Variants in EPHA3 observed in about 807,000 individuals in gnomAD.
The protein encoded by EPHA3 is ephrin type-A receptor 3.
In EPHA3, 42 loss-of-function variants were observed where a neutral mutation model predicts 107.1. That is an observed-to-expected ratio of 0.39 (90% CI 0.31 to 0.51). The LOEUF (loss-of-function observed/expected upper bound fraction) is 0.51. EPHA3 is among the 20% of genes least tolerant of loss of function. The probability of loss-of-function intolerance (pLI) is 0.78; values close to 1 mark genes in which losing one functional copy is unlikely to be tolerated. For missense variants in EPHA3, 1,183 were observed against 1,211.2 expected (o/e 0.98, Z 0.35); for synonymous variants, 461 against 424.8 (o/e 1.09, Z -1.05).
chr3:89,416,579 T>C (rs1709252530), intron 10 of EPHA3, among the ~76,000 whole-genome samples: 1 of 151,452 alleles, frequency 6.6e-6, no homozygotes, highest in Non-Finnish European at 1.5e-5. Context: ...GTAATAACCA[T>C]AATTGCTATC....
chr3:89,207,167 T>A (rs751313701), intron 2 of EPHA3, among the ~76,000 whole-genome samples: 27 of 152,172 alleles, frequency 1.8e-4, no homozygotes, highest in Non-Finnish European at 3.2e-4. Context: ...TATAAAAAAA[T>A]TTCCCCTAAT....
At chr3:89,180,288 A>G (rs1705412550) in intron 2 of EPHA3, among the ~76,000 whole-genome samples, 1 of 151,054 alleles carries the variant, frequency 6.6e-6, no homozygotes. Context: ...ATTGTCCTTT[A>G]TGCAATTCCA....
chr3:89,135,248 A>C (rs1238888542), intron 2 of EPHA3, among the ~76,000 whole-genome samples: 1 of 152,128 alleles, frequency 6.6e-6, no homozygotes, highest in Non-Finnish European at 1.5e-5. Flanking sequence ...TATTCCTAGC[A>C]TACAACACCT....
chr3:89,335,816 C>A (rs1257779187), intron 3 of EPHA3, among the ~76,000 whole-genome samples: 1 of 152,140 alleles, frequency 6.6e-6, no homozygotes, highest in Non-Finnish European at 1.5e-5. Context: ...GTTTTGCTAT[C>A]CTGGGGTTAA....
chr3:89,130,146 T>A (rs1426959052), intron 2 of EPHA3, among the ~76,000 whole-genome samples: 3 of 152,186 alleles, frequency 2.0e-5, no homozygotes, highest in Non-Finnish European at 4.4e-5. Context: ...CAGGCACTTT[T>A]ACATTTAGTA....
chr3:89,162,074 C>T (rs1421541695), intron 2 of EPHA3, among the ~76,000 whole-genome samples: 1 of 151,816 alleles, frequency 6.6e-6, no homozygotes, highest in Non-Finnish European at 1.5e-5. Context: ...AGGTAATTCA[C>T]TTAAAACACA....
At chr3:89,317,127 A>T (rs1355163244) in intron 3 of EPHA3, among the ~76,000 whole-genome samples, 1 of 151,800 alleles carries the variant, frequency 6.6e-6, no homozygotes, top group Non-Finnish European at 1.5e-5. Context: ...ATTTTTGGCC[A>T]TAATTAAAGG....
chr3:89,408,455 C>T (rs1406487488), intron 9 of EPHA3, among the ~76,000 whole-genome samples: 1 of 152,060 alleles, frequency 6.6e-6, no homozygotes, highest in Non-Finnish European at 1.5e-5. Flanking sequence ...TTCCTTATTA[C>T]TAGTCCTTTG....
intron 2 of EPHA3, among the ~76,000 whole-genome samples, chr3:89,172,218 G>C (rs1166781358): frequency 6.6e-6 from 1 of 152,092 alleles, no homozygotes; most frequent in African/African-American, 2.4e-5. Context: ...AGTTTAAATG[G>C]GGTAAATCTT....
At chr3:89,296,751 G>A (rs1183384119) in intron 3 of EPHA3, among the ~76,000 whole-genome samples, 2 of 152,166 alleles carry the variant, frequency 1.3e-5, no homozygotes, top group African/African-American at 4.8e-5. Context: ...CTCTTTAGCT[G>A]TGAAAGTCTC....
At chr3:89,375,814 A>G (rs1442438458) in intron 5 of EPHA3, among the ~76,000 whole-genome samples, 1 of 151,956 alleles carries the variant, frequency 6.6e-6, no homozygotes. Context: ...GAAGAGCTGT[A>G]GTACTTCAAA....
At chr3:89,429,239 G>A in intron 12 of EPHA3, 72 bp downstream of exon 12, 3 of 1,168,232 alleles carry the variant, frequency 2.6e-6, no homozygotes, top group Non-Finnish European at 3.7e-6. Flanking sequence ...CTCCAATATT[G>A]TGCCAAGCAA....
intron 3 of EPHA3, among the ~76,000 whole-genome samples, chr3:89,320,313 C>A (rs547423839): frequency 4.6e-5 from 7 of 152,068 alleles, no homozygotes; most frequent in Admixed American, 2.0e-4. Context: ...CCAGCTGGGT[C>A]AGAATAGTGT....
At chr3:89,279,490 A>T (rs1705890316) in intron 3 of EPHA3, among the ~76,000 whole-genome samples, 1 of 152,168 alleles carries the variant, frequency 6.6e-6, no homozygotes, top group African/African-American at 2.4e-5. Flanking sequence ...TTAGCTAAGA[A>T]ATATGTCTAA....
chr3:89,364,922 A>G (rs1480475379), intron 5 of EPHA3, among the ~76,000 whole-genome samples: 1 of 150,950 alleles, frequency 6.6e-6, no homozygotes, highest in African/African-American at 2.4e-5. Flanking sequence ...TTACTTCCTA[A>G]CAATGAAATT....
intron 1 of EPHA3, among the ~76,000 whole-genome samples, chr3:89,119,899 A>G (rs1707339514): frequency 1.3e-5 from 2 of 152,118 alleles, no homozygotes; most frequent in Admixed American, 1.3e-4. Context: ...ACTTCTAGGA[A>G]CTATGTTTAT....
intron 2 of EPHA3, among the ~76,000 whole-genome samples, chr3:89,177,668 T>C (rs1165308514): frequency 6.6e-6 from 1 of 152,192 alleles, no homozygotes; most frequent in Non-Finnish European, 1.5e-5. Context: ...GGATAGCAAA[T>C]CTTCAAGGTG....
intron 1 of EPHA3, among the ~76,000 whole-genome samples, chr3:89,111,066 ATAC>A (rs1305291305): frequency 6.6e-6 from 1 of 151,980 alleles, no homozygotes; most frequent in Non-Finnish European, 1.5e-5. Flanking sequence ...TCATATTTAT[ATAC>A]TACTTTTTTA....
chr3:89,431,044 A>G (rs1709556846), intron 12 of EPHA3, 106 bp from the exon 13 acceptor site: 9 of 1,135,496 alleles, frequency 7.9e-6, no homozygotes, highest in East Asian at 2.5e-5. Flanking sequence ...TAAAGTGTGT[A>G]TAGTCAGTCT....
Sources: gnomAD v4.1 joint callset for allele counts (sites outside exome capture counted in the v4.1 genomes callset) on GRCh38, gnomAD v4.1.1 for gene constraint, MANE v1.5 for transcripts, NCBI Gene and HGNC (gene_info 2026-07-23, HGNC 2026-07-21) for gene names.